The following DLGAP1 variants were observed in gnomAD, a reference collection of about 807,000 sequenced individuals.
The protein encoded by DLGAP1 is disks large-associated protein 1.
DLGAP1 carries 11 observed loss-of-function variants against 90.8 expected under a neutral mutation model. That is an observed-to-expected ratio of 0.12 (90% confidence interval 0.08 to 0.20). The LOEUF is 0.20. Ranked by LOEUF, DLGAP1 falls within the 10% of genes least tolerant of loss-of-function variation. DLGAP1 has a pLI of 1.00. For synonymous variants in DLGAP1, 558 were observed against 540.7 expected (o/e 1.03, Z -0.44); for missense variants, 1,050 against 1,333.8 (o/e 0.79, Z 3.31).
At chr18:4,216,009 A>G (rs1284972234) in intron 1 of DLGAP1, among the ~76,000 whole-genome samples, 1 of 152,168 alleles carries the variant, frequency 6.6e-6, no homozygotes, top group Non-Finnish European at 1.5e-5. Context: ...TGTCTCCTAA[A>G]TGTATTAGTC....
At chr18:3,979,855 G>T (rs1301283199) in intron 3 of DLGAP1, among the ~76,000 whole-genome samples, 1 of 152,166 alleles carries the variant, frequency 6.6e-6, no homozygotes, top group Non-Finnish European at 1.5e-5. Context: ...TAAAAATATA[G>T]CTGGGCGCGG....
At chr18:4,214,308 C>T (rs1188201226) in intron 1 of DLGAP1, among the ~76,000 whole-genome samples, 1 of 108,146 alleles carries the variant, frequency 9.2e-6, no homozygotes, top group Non-Finnish European at 2.1e-5. Context: ...GTTAAGGAAA[C>T]AGATTTTTTT....
At chr18:3,702,840 C>T (rs1396031175) in intron 7 of DLGAP1, among the ~76,000 whole-genome samples, 2 of 152,058 alleles carry the variant, frequency 1.3e-5, no homozygotes, top group African/African-American at 4.8e-5. Context: ...GCTCCTGCAG[C>T]CACTCAGGTA....
At chr18:4,187,104 C>A (rs9952876) in intron 1 of DLGAP1, among the ~76,000 whole-genome samples, 1 of 151,752 alleles carries the variant, frequency 6.6e-6, no homozygotes. Flanking sequence ...GTTGATTTTG[C>A]ATCCTGAAAT....
chr18:3,877,746 C>T (rs554293049), intron 4 of DLGAP1, among the ~76,000 whole-genome samples: 74 of 152,178 alleles, frequency 4.9e-4, no homozygotes, highest in Non-Finnish European at 9.9e-4. Flanking sequence ...ATTTACCTTT[C>T]TTTGTGTCTA....
chr18:3,583,119 T>C (rs1456580223), intron 7 of DLGAP1, among the ~76,000 whole-genome samples: 4 of 150,214 alleles, frequency 2.7e-5, no homozygotes. Context: ...CTTCCCACCT[T>C]TCTGTCTTTC....
chr18:3,608,483 T>A (rs1358489300), intron 7 of DLGAP1: 8 of 152,240 alleles, frequency 5.3e-5, no homozygotes, highest in Admixed American at 4.6e-4. Context: ...TGATTTTATT[T>A]TTTAAGTTGT....
rs987537940 is a variant in DLGAP1 at position 4,217,669 on chromosome 18, G to A, written c.-266-66382C>T. On this transcript the variant is annotated intron_variant, in intron 1 of 12. Coordinates refer to ENST00000315677, the MANE Select transcript of DLGAP1 (RefSeq NM_004746.4). Reference sequence around the variant, plus strand: ...TCAGATTGTATATTGTTTTTGGTGAGATGTCTGTTCAGACCTTTTTCCCAT... The same window carrying A: ...TCAGATTGTATATTGTTTTTGGTGAAATGTCTGTTCAGACCTTTTTCCCAT... Among the ~76,000 whole-genome samples, 7 of 152,100 alleles carry A rather than the reference G, an allele frequency of 4.6e-5. No individual in the cohort carries two copies. In the East Asian group the frequency reaches 1.4e-3, roughly 29 times the overall value.
intron 3 of DLGAP1, among the ~76,000 whole-genome samples, chr18:3,890,124 C>A (rs2071422399): frequency 6.6e-6 from 1 of 152,232 alleles, no homozygotes; most frequent in African/African-American, 2.4e-5. Flanking sequence ...AGAACCTCCA[C>A]CACTGTGGTC....
rs576614253 is a variant in DLGAP1 at position 3,616,668 on chromosome 18, T to C, written c.1592-34420A>G. Among the ~76,000 whole-genome samples the C allele has an allele frequency of 2.2e-3, 335 of 151,384 alleles. 1 individual carries two copies. The highest frequency in any genetic ancestry group is 7.6e-3 in the African/African-American group (313 of 41,206). On this transcript the variant is annotated intron_variant, in intron 7 of 12. Coordinates refer to ENST00000315677, the MANE Select transcript of DLGAP1 (RefSeq NM_004746.4). ...TACTCCAGAGGCTGAGGTTGGAGGATCACTTGAGCCCAGAAGGTCGAGGCT... is the reference window on the plus strand; with the variant it reads ...TACTCCAGAGGCTGAGGTTGGAGGACCACTTGAGCCCAGAAGGTCGAGGCT...
At chr18:3,848,698 G>A (rs2069163609) in intron 4 of DLGAP1, among the ~76,000 whole-genome samples, 1 of 152,150 alleles carries the variant, frequency 6.6e-6, no homozygotes, top group East Asian at 1.9e-4. Flanking sequence ...TCCCTCTCCT[G>A]CCATATCACC....
At chr18:3,718,925 T>TG (rs2061863724) in intron 7 of DLGAP1, among the ~76,000 whole-genome samples, 1 of 24,684 alleles carries the variant, frequency 4.1e-5, no homozygotes, top group African/African-American at 1.4e-4. Flanking sequence ...AGACTTTGTC[T>TG]GAAAAAAAAA....
intron 6 of DLGAP1, among the ~76,000 whole-genome samples, chr18:3,731,622 G>T (rs1432744828): frequency 6.7e-6 from 1 of 149,884 alleles, no homozygotes. Context: ...TCCCAGGCTG[G>T]TCTCTCAAAC....
chr18:3,729,401 C>T lies in DLGAP1; in HGVS notation c.1351-26G>A. The T allele has an allele frequency of 6.3e-7, 1 of 1,594,650 alleles. No homozygotes were observed. The highest frequency in any genetic ancestry group is 1.1e-5 in the South Asian group (1 of 89,136). ...CTGCGGGCAGACACAGGCGTTGTGACACTCGCCTCCACCTGGTGGAGGATC... is the reference window on the plus strand; with the variant it reads ...CTGCGGGCAGACACAGGCGTTGTGATACTCGCCTCCACCTGGTGGAGGATC... On this transcript the variant is annotated intron_variant, in intron 6 of 12. Coordinates refer to ENST00000315677, the MANE Select transcript of DLGAP1 (RefSeq NM_004746.4). This position sits in a 1 kb window ranked among gnomAD's most constrained non-coding sequence, Gnocchi z 6.2.
intron 1 of DLGAP1, among the ~76,000 whole-genome samples, chr18:4,188,850 C>A (rs2077345945): frequency 6.6e-6 from 1 of 152,112 alleles, no homozygotes; most frequent in African/African-American, 2.4e-5. Flanking sequence ...TTGCAACATG[C>A]AAAGCGTCAC....
At chr18:4,059,248 G>C (rs77471091) in intron 2 of DLGAP1, among the ~76,000 whole-genome samples, 8,607 of 152,208 alleles carry the variant, frequency 0.057, 406 homozygotes, top group East Asian at 0.25. Flanking sequence ...GGAAATAAGA[G>C]GGCTGCCCTT....
chr18:4,094,218 T>C (rs1256336987), intron 2 of DLGAP1, among the ~76,000 whole-genome samples: 1 of 152,168 alleles, frequency 6.6e-6, no homozygotes, highest in Non-Finnish European at 1.5e-5. Flanking sequence ...TTTTTCTTTG[T>C]TCCTTAGTTT....
intron 5 of DLGAP1, among the ~76,000 whole-genome samples, chr18:3,743,467 G>A (rs979699549): frequency 6.6e-6 from 1 of 151,666 alleles, no homozygotes; most frequent in Admixed American, 6.6e-5. Context: ...CCATTCTCCT[G>A]CCTCAGCCTC....
At chr18:4,262,193 A>C (rs2079017180) in intron 1 of DLGAP1, among the ~76,000 whole-genome samples, 1 of 152,232 alleles carries the variant, frequency 6.6e-6, no homozygotes, top group Non-Finnish European at 1.5e-5. Context: ...CTATTCAAAG[A>C]AAGCTTTTGC....
Sources: gnomAD v4.1 joint callset for allele counts (sites outside exome capture counted in the v4.1 genomes callset) on GRCh38, gnomAD v4.1.1 for gene constraint, Gnocchi (gnomAD v3.1) non-coding constraint, MANE v1.5 for transcripts, NCBI Gene and HGNC (gene_info 2026-07-23, HGNC 2026-07-21) for gene names.